The following TAFA5 variants were observed in gnomAD, a reference collection of about 807,000 sequenced individuals.
TAFA5 encodes the protein chemokine-like protein TAFA-5.
A neutral mutation model predicts 15.3 loss-of-function variants in TAFA5; 6 were observed. The ratio of observed to expected loss-of-function variants is 0.39; its 90% confidence interval spans 0.21 to 0.77. The LOEUF is 0.77. TAFA5 is among the 30% of genes least tolerant of loss of function. The pLI, the probability that TAFA5 is intolerant of heterozygous loss-of-function variation, is 0.41. For missense variants in TAFA5, 161 were observed against 193.1 expected, an observed-to-expected ratio of 0.83 and a Z score of 0.98; for synonymous variants, 103 against 80.7, an observed-to-expected ratio of 1.28 and a Z score of -1.48.
At chr22:48,679,282 C>G (rs536470375) in intron 2 of TAFA5, among the ~76,000 whole-genome samples, 16 of 97,890 alleles carry the variant, frequency 1.6e-4, no homozygotes, top group South Asian at 9.2e-4. Context: ...ATCCCTCTTC[C>G]GGCTCCCCGT....
chr22:48,657,594 G>A (rs974211721), intron 2 of TAFA5, among the ~76,000 whole-genome samples: 3 of 152,166 alleles, frequency 2.0e-5, no homozygotes, highest in African/African-American at 7.2e-5. Context: ...CTATGGATAC[G>A]GACATAGATG....
intron 3 of TAFA5, among the ~76,000 whole-genome samples, chr22:48,737,502 C>T (rs968160619): frequency 1.3e-5 from 2 of 152,174 alleles, no homozygotes; most frequent in Non-Finnish European, 2.9e-5. Flanking sequence ...ATGCTGTGGT[C>T]GCCCCTGATG....
chr22:48,697,394 T>G (rs1182033228), intron 2 of TAFA5, among the ~76,000 whole-genome samples: 1 of 151,932 alleles, frequency 6.6e-6, no homozygotes, highest in Admixed American at 6.6e-5. Flanking sequence ...TGTCATGATG[T>G]GATTAGGGTG....
intron 2 of TAFA5, among the ~76,000 whole-genome samples, chr22:48,696,866 G>A (rs565936357): frequency 1.2e-4 from 19 of 152,212 alleles, no homozygotes; most frequent in African/African-American, 3.6e-4. Flanking sequence ...CAGCACAGTC[G>A]CGCAAAGGCC....
chr22:48,726,307 C>T (rs534054616), intron 3 of TAFA5, among the ~76,000 whole-genome samples: 1 of 152,348 alleles, frequency 6.6e-6, no homozygotes, highest in East Asian at 1.9e-4. Flanking sequence ...GCATCAGGTT[C>T]AAGAGGTTGA....
chr22:48,712,806 C>T (rs958638431), intron 3 of TAFA5, among the ~76,000 whole-genome samples: 1 of 152,368 alleles, frequency 6.6e-6, no homozygotes, highest in African/African-American at 2.4e-5. Flanking sequence ...CTTCCCATTC[C>T]TGTGCTCTGC....
At chr22:48,677,288 C>A (rs147720318) in intron 2 of TAFA5, among the ~76,000 whole-genome samples, 1 of 152,236 alleles carries the variant, frequency 6.6e-6, no homozygotes, top group East Asian at 1.9e-4. Context: ...GGACCCTGCC[C>A]GCCCGCTGTG....
chr22:48,565,289 G>A (rs1421820066), intron 1 of TAFA5, among the ~76,000 whole-genome samples: 2 of 152,244 alleles, frequency 1.3e-5, no homozygotes, highest in Admixed American at 1.3e-4. Context: ...TGGCTGCAGG[G>A]GATGGGAAGT....
rs937269331 is a variant in TAFA5 at position 48,489,928 on chromosome 22, G to A, written c.112+224G>A. Among the ~76,000 whole-genome samples the A allele has an allele frequency of 6.6e-6, 1 of 151,844 alleles. No individual in the cohort carries two copies. Among genetic ancestry groups the A allele is most frequent in the African/African-American group, 2.4e-5 (1 of 41,386 alleles). ...ACTTCGGGGTCGGACGCCCCGGCCC[G>A]AGCCTCCCTTCCCTGACTCCCCGGC... is the stretch of plus-strand genomic sequence containing the variant. On this transcript the variant is annotated intron_variant, in intron 1 of 3. Transcript: ENST00000402357. This position sits in a 1 kb window ranked among gnomAD's most constrained non-coding sequence, Gnocchi z 5.5.
intron 1 of TAFA5, among the ~76,000 whole-genome samples, chr22:48,582,916 ACCACACACG>A (rs1480990840): frequency 1.2e-4 from 18 of 149,034 alleles, no homozygotes; most frequent in African/African-American, 4.3e-4. Context: ...CACAAAATAC[ACCACACACG>A]CCACACACGA....
chr22:48,703,930 T>G (rs1928996642), intron 2 of TAFA5, among the ~76,000 whole-genome samples: 1 of 152,206 alleles, frequency 6.6e-6, no homozygotes, highest in Admixed American at 6.5e-5. Context: ...CTGTTGCAGT[T>G]GAAGGGCTCA....
At chr22:48,682,967 A>G (rs1011914449) in intron 2 of TAFA5, among the ~76,000 whole-genome samples, 5 of 152,212 alleles carry the variant, frequency 3.3e-5, no homozygotes, top group African/African-American at 1.2e-4. Flanking sequence ...GACCACACCT[A>G]AATTCACAGC....
intron 1 of TAFA5, among the ~76,000 whole-genome samples, chr22:48,606,935 CGCTTCCACTCTGTGCCCAGG>C (rs377488467): frequency 0.028 from 4,266 of 152,304 alleles, 201 homozygotes; most frequent in African/African-American, 0.097. Context: ...GTCCAGGTTT[CGCTTCCACTCTGTGCCCAGG>C]GCAAGCAGTA....
At chr22:48,731,468 G>A (rs1278722934) in intron 3 of TAFA5, among the ~76,000 whole-genome samples, 1 of 152,252 alleles carries the variant, frequency 6.6e-6, no homozygotes, top group Non-Finnish European at 1.5e-5. Flanking sequence ...AGAAGTCAGT[G>A]CCTGGTTTCG....
intron 2 of TAFA5, among the ~76,000 whole-genome samples, chr22:48,692,168 C>T (rs1364521850): frequency 6.6e-6 from 1 of 152,056 alleles, no homozygotes; most frequent in Non-Finnish European, 1.5e-5. Context: ...CCCTCCCTTC[C>T]TTCAGCAATG....
chr22:48,701,349 TCTC>T (rs762193192), intron 2 of TAFA5, among the ~76,000 whole-genome samples: 32 of 152,190 alleles, frequency 2.1e-4, no homozygotes, highest in Non-Finnish European at 4.3e-4. Flanking sequence ...CAGGGAGGGC[TCTC>T]CTCTAAGGCA....
intron 2 of TAFA5, among the ~76,000 whole-genome samples, chr22:48,648,704 G>T (rs1462471770): frequency 6.6e-6 from 1 of 152,112 alleles, no homozygotes; most frequent in Non-Finnish European, 1.5e-5. Flanking sequence ...CGGGCGTGGT[G>T]GTGTGCACCA....
intron 1 of TAFA5, among the ~76,000 whole-genome samples, chr22:48,582,450 T>TAC (rs1924091586): frequency 2.1e-5 from 1 of 48,448 alleles, no homozygotes; most frequent in African/African-American, 8.3e-5. Flanking sequence ...ATACACCACA[T>TAC]ACCACACACA....
chr22:48,616,262 T>C (rs1407121568), intron 1 of TAFA5, among the ~76,000 whole-genome samples: 6 of 152,152 alleles, frequency 3.9e-5, no homozygotes, highest in Admixed American at 3.3e-4. Context: ...AATACATTCA[T>C]ACAGTGTGGC....
Sources: gnomAD v4.1 joint callset for allele counts (sites outside exome capture counted in the v4.1 genomes callset) on GRCh38, gnomAD v4.1.1 for gene constraint, Gnocchi (gnomAD v3.1) non-coding constraint, MANE v1.5 for transcripts, NCBI Gene and HGNC (gene_info 2026-07-23, HGNC 2026-07-21) for gene names.